Variants in NAA38 observed in about 807,000 individuals in gnomAD.
NAA38 encodes the protein N-alpha-acetyltransferase 38, NatC auxiliary subunit.
A neutral mutation model predicts 12.6 loss-of-function variants in NAA38; 15 were observed. The ratio of observed to expected loss-of-function variants is 1.19; its 90% CI spans 0.79 to 1.83. The LOEUF is 1.83. Among genes scored for constraint, NAA38 ranks in the 40% most tolerant of loss-of-function variants. The probability of loss-of-function intolerance (pLI) is 0.00; values close to 1 mark genes in which losing one functional copy is unlikely to be tolerated. For synonymous variants in NAA38, 88 were observed against 69.9 expected (o/e 1.26, Z -1.29); for missense variants, 183 against 171.7 (o/e 1.07, Z -0.37).
intron 2 of NAA38, among the ~76,000 whole-genome samples, chr17:7,874,549 G>T (rs74252293): frequency 6.6e-6 from 1 of 152,100 alleles, no homozygotes; most frequent in Admixed American, 6.5e-5. Context: ...TAAAGAAATA[G>T]GGGCTTCTTA....
At chr17:7,867,857 G>A (rs925293683) in intron 2 of NAA38, among the ~76,000 whole-genome samples, 1 of 152,180 alleles carries the variant, frequency 6.6e-6, no homozygotes, top group African/African-American at 2.4e-5. Context: ...TTGATAATTT[G>A]GGTAGGGGTC....
intron 1 of NAA38, among the ~76,000 whole-genome samples, chr17:7,883,590 A>G (rs1307866293): frequency 6.6e-6 from 1 of 152,096 alleles, no homozygotes; most frequent in Non-Finnish European, 1.5e-5. Context: ...AAACTCAATC[A>G]TCGTATCTAT....
exon 3 of NAA38, chr17:7,866,548 C>G (rs1196793130): frequency 8.1e-7 from 1 of 1,229,994 alleles, no homozygotes; most frequent in Non-Finnish European, 1.0e-6. Flanking sequence ...CCCACGTTGG[C>G]CTTTCAGTTT....
chr17:7,857,965 C>T (rs1319488788), upstream of NAA38: 1 of 1,471,392 alleles, frequency 6.8e-7, no homozygotes, highest in East Asian at 2.4e-5. Context: ...AACCCCGCCC[C>T]TGATATTTAT....
chr17:7,880,793 T>C (rs1009964888), intron 2 of NAA38, among the ~76,000 whole-genome samples: 5 of 152,196 alleles, frequency 3.3e-5, no homozygotes, highest in African/African-American at 1.2e-4. Flanking sequence ...AACAAAGATG[T>C]CTTGCTGGCA....
intron 3 of NAA38, chr17:7,865,197 C>T (rs935613146): frequency 6.6e-6 from 1 of 152,180 alleles, no homozygotes; most frequent in African/African-American, 2.4e-5. Flanking sequence ...CATTTACCAA[C>T]ATTAATCCTC....
intron 3 of NAA38, chr17:7,865,625 C>G (rs757360384): frequency 1.3e-5 from 2 of 152,178 alleles, no homozygotes; most frequent in African/African-American, 4.8e-5. Flanking sequence ...TATGACCTAG[C>G]CTCAATTCCA....
intron 3 of NAA38, chr17:7,863,684 T>A (rs1966912643): frequency 6.6e-6 from 1 of 152,196 alleles, no homozygotes; most frequent in African/African-American, 2.4e-5. Context: ...ATGTGTATTA[T>A]TTTTGGAAAA....
rs2078835843 is a variant in NAA38, at chr17:7,857,468, C to G, written c.-5G>C. 5.9e-6 allele frequency: 9 copies of G among 1,526,296 alleles called. No homozygotes were observed. Among genetic ancestry groups the G allele is most frequent in the Non-Finnish European group, 7.9e-6 (9 of 1,137,006 alleles). 94.5% of individuals were successfully genotyped at this position (1,526,296 alleles called of 1,614,324 possible). A position where few individuals can be genotyped will look rare whatever the true frequency, so the allele number is the denominator to read the frequency against. On this transcript the variant is annotated 5_prime_UTR_variant, in exon 1 of 3. Coordinates refer to ENST00000575771, the MANE Select transcript of NAA38 (RefSeq NM_001320925.4). ...GGTCGGTCCAGCTCCGGCCATTTGC[C>G]CGGAGGCCTCCTCTGGGCCTTTCAA...
intron 2 of NAA38, among the ~76,000 whole-genome samples, chr17:7,869,462 G>A (rs1253678555): frequency 6.6e-6 from 1 of 152,114 alleles, no homozygotes; most frequent in Non-Finnish European, 1.5e-5. Context: ...CATTCAGTCT[G>A]AAATAAAAAT....
chr17:7,857,851 C>T, upstream of NAA38: 1 of 1,373,296 alleles, frequency 7.3e-7, no homozygotes, highest in Non-Finnish European at 9.4e-7. Context: ...TATTCGTTCT[C>T]TGCCCCACCC....
chr17:7,874,564 A>G (rs1234588099), intron 2 of NAA38, among the ~76,000 whole-genome samples: 1 of 152,144 alleles, frequency 6.6e-6, no homozygotes, highest in Non-Finnish European at 1.5e-5. Flanking sequence ...TTCTTACACA[A>G]GATGAGGGAA....
At chr17:7,859,112 A>C, upstream of NAA38, 1 of 574,198 alleles carries the variant, frequency 1.7e-6, no homozygotes, top group Non-Finnish European at 3.1e-6. Context: ...TTGGACAGCA[A>C]TTGGACTTTC....
At chr17:7,878,488 G>A (rs1444022198) in intron 2 of NAA38, among the ~76,000 whole-genome samples, 7 of 152,106 alleles carry the variant, frequency 4.6e-5, no homozygotes, top group Non-Finnish European at 8.8e-5. Context: ...GTGGGAGGCC[G>A]AGGCAGGTGG....
At chr17:7,861,449 T>C (rs1472955516), upstream of NAA38, 1 of 152,220 alleles carries the variant, frequency 6.6e-6, no homozygotes, top group Non-Finnish European at 1.5e-5. Flanking sequence ...TCTGCAATTA[T>C]GTGTACCTTG....
upstream of NAA38, chr17:7,859,539 A>G (rs200419944): frequency 2.7e-5 from 44 of 1,614,082 alleles, no homozygotes; most frequent in East Asian, 2.4e-4. Flanking sequence ...GAATTTGACT[A>G]TCTCAGTATG....
chr17:7,856,879 C>G, intron 2 of NAA38, 36 bp from the exon 3 acceptor site: 4 of 1,607,792 alleles, frequency 2.5e-6, no homozygotes, highest in Non-Finnish European at 3.4e-6. Flanking sequence ...GAAAGTAGGC[C>G]AGAATCAGTC....
At chr17:7,884,476 ATG>A (rs1491301091) in intron 1 of NAA38, among the ~76,000 whole-genome samples, 5 of 126,610 alleles carry the variant, frequency 3.9e-5, no homozygotes, top group African/African-American at 8.2e-5. Context: ...ATATATATAT[ATG>A]TATATATATA....
chr17:7,858,016 T>A, upstream of NAA38: 1 of 1,526,354 alleles, frequency 6.6e-7, no homozygotes. Flanking sequence ...GGTTTCCATG[T>A]CAGCGGATAA....
Sources: gnomAD v4.1 joint callset for allele counts (sites outside exome capture counted in the v4.1 genomes callset) on GRCh38, gnomAD v4.1.1 for gene constraint, MANE v1.5 for transcripts, NCBI Gene and HGNC (gene_info 2026-07-23, HGNC 2026-07-21) for gene names.